Variants in SAMD8 observed in about 807,000 individuals in gnomAD.
The protein encoded by SAMD8 is sphingomyelin synthase-related protein 1.
In SAMD8, 20 loss-of-function variants were observed where a neutral mutation model predicts 42.0. That is an observed-to-expected ratio of 0.48 (90% CI 0.34 to 0.69). SAMD8 has a LOEUF of 0.69. Among genes scored for constraint, SAMD8 ranks in the 30% least tolerant of loss-of-function variants. The pLI, the probability that SAMD8 is intolerant of heterozygous loss-of-function variation, is 0.01. For missense variants in SAMD8, 328 were observed against 511.6 expected, an observed-to-expected ratio of 0.64 and a Z score of 3.46; for synonymous variants, 162 against 173.0, an observed-to-expected ratio of 0.94 and a Z score of 0.50.
At chr10:75,155,493 C>A (rs1178726095) in intron 2 of SAMD8, among the ~76,000 whole-genome samples, 3 of 150,928 alleles carry the variant, frequency 2.0e-5, no homozygotes, top group African/African-American at 7.3e-5. Context: ...AGTTTAGGAA[C>A]AATTGGCTGT....
chr10:75,157,887 C>A (rs1047345965), intron 2 of SAMD8, among the ~76,000 whole-genome samples: 2 of 152,102 alleles, frequency 1.3e-5, no homozygotes, highest in African/African-American at 2.4e-5. Context: ...AGGCCGGGCG[C>A]GGTGTCTCAC....
chr10:75,146,504 T>C (rs1330957549), intron 1 of SAMD8, among the ~76,000 whole-genome samples: 1 of 152,106 alleles, frequency 6.6e-6, no homozygotes, highest in Non-Finnish European at 1.5e-5. Context: ...CAGGCTGTTC[T>C]CAAACTCCCA....
intron 2 of SAMD8, chr10:75,164,384 TTC>T (rs1840627503): frequency 2.8e-6 from 1 of 357,862 alleles, no homozygotes; most frequent in Non-Finnish European, 3.8e-6. Context: ...GGGTTGCCAC[TTC>T]TTTTTTTTTT....
chr10:75,151,542 T>A (rs1293015970), intron 2 of SAMD8, among the ~76,000 whole-genome samples: 1 of 151,948 alleles, frequency 6.6e-6, no homozygotes, highest in Admixed American at 6.6e-5. Flanking sequence ...TTTGTAGAAA[T>A]AGAGTCCCAC....
intron 4 of SAMD8, among the ~76,000 whole-genome samples, chr10:75,175,624 C>T (rs1169756613): frequency 1.3e-5 from 2 of 152,096 alleles, no homozygotes; most frequent in Non-Finnish European, 2.9e-5. Context: ...TCTCGGCTCC[C>T]TGCAACCTCC....
upstream of SAMD8, among the ~76,000 whole-genome samples, chr10:75,107,646 G>A (rs1488581307): frequency 6.6e-6 from 1 of 151,960 alleles, no homozygotes; most frequent in Non-Finnish European, 1.5e-5. Context: ...GCATGATCTC[G>A]GCTCACTGCA....
intron 2 of SAMD8, among the ~76,000 whole-genome samples, chr10:75,156,892 A>T (rs1017150514): frequency 1.3e-5 from 2 of 152,178 alleles, no homozygotes; most frequent in African/African-American, 4.8e-5. Flanking sequence ...AAATTGGAAT[A>T]TGGACTGCAT....
chr10:75,149,305 CA>C (rs1322120103), intron 1 of SAMD8, among the ~76,000 whole-genome samples: 1 of 152,084 alleles, frequency 6.6e-6, no homozygotes, highest in Admixed American at 6.5e-5. Context: ...TGTGTGAAAT[CA>C]AAGTAGTAAA....
At chr10:75,099,977 C>T (rs1267088069) in intron 1 of SAMD8, among the ~76,000 whole-genome samples, 2 of 152,114 alleles carry the variant, frequency 1.3e-5, no homozygotes, top group African/African-American at 2.4e-5. Context: ...GGGAAGCCCC[C>T]AGGACCCAGA....
intron 1 of SAMD8, among the ~76,000 whole-genome samples, chr10:75,129,737 A>G (rs1849231396): frequency 6.6e-6 from 1 of 152,230 alleles, no homozygotes; most frequent in African/African-American, 2.4e-5. Flanking sequence ...ACATGAATAC[A>G]TATGATTGGA....
In SAMD8 at chr10:75,131,364, C is replaced by T. The variant is rs190081537; in HGVS notation, c.-15-19150C>T. Among the ~76,000 whole-genome samples the T allele has an allele frequency of 1.4e-3, 219 of 152,256 alleles. 2 individuals are homozygous for T. The highest frequency in any genetic ancestry group is 2.8e-3 in the Non-Finnish European group (189 of 68,014). ...TTGATTTGATGTTGGCTTGTTGCCTCTACTAATTACTACATAATACAGTTG... is the reference window on the plus strand; with the variant it reads ...TTGATTTGATGTTGGCTTGTTGCCTTTACTAATTACTACATAATACAGTTG... On this transcript the variant is annotated intron_variant, in intron 1 of 5. Coordinates refer to ENST00000542569, the MANE Select transcript of SAMD8 (RefSeq NM_001174156.2).
chr10:75,111,384 C>T, upstream of SAMD8: 2 of 654,128 alleles, frequency 3.1e-6, no homozygotes, highest in Admixed American at 4.5e-5. Flanking sequence ...GCGGCAGCAT[C>T]TCGGTTCTCC....
chr10:75,174,520 C>T (rs2132219715), intron 4 of SAMD8, among the ~76,000 whole-genome samples: 1 of 150,068 alleles, frequency 6.7e-6, no homozygotes, highest in East Asian at 2.0e-4. Context: ...CCACAACCTA[C>T]CCCTCCCGGG....
chr10:75,100,037 C>T (rs1848050905), intron 1 of SAMD8, among the ~76,000 whole-genome samples: 2 of 152,138 alleles, frequency 1.3e-5, no homozygotes, highest in African/African-American at 4.8e-5. Flanking sequence ...GGCTGCACCA[C>T]CCCAGGCAGG....
At chr10:75,126,423 A>G (rs543889423) in intron 1 of SAMD8, among the ~76,000 whole-genome samples, 1 of 151,640 alleles carries the variant, frequency 6.6e-6, no homozygotes, top group Admixed American at 6.6e-5. Flanking sequence ...CACATTGCCT[A>G]GTGTAATACC....
chr10:75,104,085 G>A (rs752698590), intron 1 of SAMD8: 6 of 1,353,612 alleles, frequency 4.4e-6, no homozygotes, highest in Non-Finnish European at 5.9e-6. Context: ...ATGGCAGGGA[G>A]TAAGGACCAG....
At chr10:75,123,157 CCACCT>C (rs1338483730) in intron 1 of SAMD8, among the ~76,000 whole-genome samples, 8 of 123,660 alleles carry the variant, frequency 6.5e-5, no homozygotes, top group South Asian at 2.6e-4. Flanking sequence ...GCTTCCCACC[CCACCT>C]CACCCCACCC....
chr10:75,131,290 T>C (rs963005666), intron 1 of SAMD8, among the ~76,000 whole-genome samples: 7 of 152,268 alleles, frequency 4.6e-5, no homozygotes, highest in African/African-American at 1.4e-4. Flanking sequence ...TTGTATAACA[T>C]TGAGTCTTCG....
chr10:75,145,664 T>C (rs1840113890), intron 1 of SAMD8, among the ~76,000 whole-genome samples: 1 of 152,184 alleles, frequency 6.6e-6, no homozygotes, highest in South Asian at 2.1e-4. Flanking sequence ...TAATTCTTTG[T>C]TGGGGGAGGG....
Sources: gnomAD v4.1 joint callset for allele counts (sites outside exome capture counted in the v4.1 genomes callset) on GRCh38, gnomAD v4.1.1 for gene constraint, MANE v1.5 for transcripts, NCBI Gene and HGNC (gene_info 2026-07-23, HGNC 2026-07-21) for gene names.